The following HPS4 variants were observed in gnomAD, a reference collection of about 807,000 sequenced individuals.
HPS4 encodes HPS4 biogenesis of lysosomal organelles complex 3 subunit 2.
A neutral mutation model predicts 70.3 loss-of-function variants in HPS4; 44 were observed. The ratio of observed to expected loss-of-function variants is 0.63; its 90% CI spans 0.49 to 0.80. HPS4 has a LOEUF of 0.80. HPS4 is among the 30% of genes least tolerant of loss of function. The probability of loss-of-function intolerance (pLI) is 0.00; values close to 1 mark genes in which losing one functional copy is unlikely to be tolerated. For synonymous variants in HPS4, 377 were observed against 355.9 expected (o/e 1.06, Z -0.67); for missense variants, 873 against 884.4 (o/e 0.99, Z 0.16).
intron 7 of HPS4, 119 bp from the exon 8 acceptor site, chr22:26,468,742 G>A (rs890320101): frequency 6.9e-6 from 6 of 866,142 alleles, no homozygotes; most frequent in African/African-American, 5.0e-5. Context: ...GCTGGTGGGA[G>A]TTTCAACTGG....
rs900841907 is a variant in HPS4, at chr22:26,451,825, G to A, written c.*1408C>T. The A allele has an allele frequency of 1.3e-5, 2 of 154,428 alleles. No homozygotes were observed. Among genetic ancestry groups the A allele is most frequent in the African/African-American group, 4.8e-5 (2 of 41,438 alleles). 9.6% of individuals were successfully genotyped at this position (154,428 alleles called of 1,614,324 possible). Reference sequence around the variant, plus strand: ...GATCCAAGAGACAGCAGAGATCCTGGAGAGAGGTGATAGAAGAGGGAGACA... The same window carrying A: ...GATCCAAGAGACAGCAGAGATCCTGAAGAGAGGTGATAGAAGAGGGAGACA... On this transcript the variant is annotated 3_prime_UTR_variant, in exon 14 of 14. Coordinates refer to ENST00000398145, the MANE Select transcript of HPS4 (RefSeq NM_022081.6).
intron 11 of HPS4, among the ~76,000 whole-genome samples, chr22:26,463,201 T>C (rs2087679277): frequency 6.6e-6 from 1 of 152,186 alleles, no homozygotes; most frequent in African/African-American, 2.4e-5. Context: ...TTTACCACTC[T>C]AAGCCTCTAA....
chr22:26,443,184 T>C, downstream of HPS4: 1 of 1,614,134 alleles, frequency 6.2e-7, no homozygotes, highest in Non-Finnish European at 8.5e-7. Flanking sequence ...GCTCTTGATT[T>C]CATCTTTGCT....
downstream of HPS4, among the ~76,000 whole-genome samples, chr22:26,449,597 C>T (rs544562857): frequency 4.2e-4 from 64 of 152,182 alleles, 2 homozygotes; most frequent in South Asian, 0.012. Context: ...TCCCAAAGTG[C>T]TGGGATTATA....
At chr22:26,458,624 A>C (rs2086651172) in intron 11 of HPS4, 47 bp from the exon 12 acceptor site, 21 of 1,610,176 alleles carry the variant, frequency 1.3e-5, no homozygotes, top group Non-Finnish European at 1.6e-5. Flanking sequence ...GACCTCAGCA[A>C]GCCTTCTGAG....
chr22:26,471,014 A>C, intron 6 of HPS4: 2 of 1,077,360 alleles, frequency 1.9e-6, no homozygotes, highest in Non-Finnish European at 1.4e-6. Flanking sequence ...ACACCACTAA[A>C]TGCCAAATTC....
Position 26,452,649 on chromosome 22 carries a change from T to G in HPS4, c.*584A>C, listed in dbSNP as rs1192712755. 4.0e-6 allele frequency: 1 copy of G among 253,108 alleles called. No individual in the cohort carries two copies. The highest frequency in any genetic ancestry group is 7.8e-6 in the Non-Finnish European group (1 of 127,564). The allele number at this position is 253,108 out of a possible 1,614,324, so 15.7% of individuals were successfully genotyped here. A position where few individuals can be genotyped will look rare whatever the true frequency, so the allele number is the denominator to read the frequency against. On this transcript the variant is annotated 3_prime_UTR_variant, in exon 14 of 14. Transcript: ENST00000398145. ...CAAAGAAGACGCCCCTAGATTTGAGTAGAGTTCCAACAGAATTCAACCAAG... is the reference window on the plus strand; with the variant it reads ...CAAAGAAGACGCCCCTAGATTTGAGGAGAGTTCCAACAGAATTCAACCAAG...
At chr22:26,457,739 AG>A (rs1189898802) in intron 13 of HPS4, 119 bp downstream of exon 13, 2 of 758,478 alleles carry the variant, frequency 2.6e-6, no homozygotes, top group African/African-American at 3.4e-5. Flanking sequence ...GAAGGCCTTA[AG>A]GAGAGTAACT....
chr22:26,470,424 C>T (rs1478382704), intron 7 of HPS4, among the ~76,000 whole-genome samples: 3 of 152,236 alleles, frequency 2.0e-5, no homozygotes, highest in Non-Finnish European at 4.4e-5. Context: ...GCTCGGGACT[C>T]TGCATTAGCA....
intron 10 of HPS4, 86 bp from the exon 11 acceptor site, chr22:26,464,912 C>T (rs1453561891): frequency 7.7e-7 from 1 of 1,306,318 alleles, no homozygotes; most frequent in Non-Finnish European, 1.0e-6. Flanking sequence ...AAAGCACAGG[C>T]ATCAAGGACA....
chr22:26,465,721 G>A lies in HPS4; in HGVS notation c.707-170C>T, dbSNP rs866598393. 8 of 627,824 alleles carry A rather than the reference G, an allele frequency of 1.3e-5. No individual in the cohort carries two copies. The African/African-American group carries it at 1.5e-4, about 12-fold the overall frequency. The allele number at this position is 627,824 out of a possible 1,614,324, so 38.9% of individuals were successfully genotyped here. A position where few individuals can be genotyped will look rare whatever the true frequency, so the allele number is the denominator to read the frequency against. On this transcript the variant is annotated intron_variant, in intron 9 of 13. Coordinates refer to ENST00000398145, the MANE Select transcript of HPS4 (RefSeq NM_022081.6). Reference sequence around the variant, plus strand: ...TTGCCAAACTGCACCTCGAACTCCTGGGCCCAGTAAGGAAAGAGTCCCTGC... The same window carrying A: ...TTGCCAAACTGCACCTCGAACTCCTAGGCCCAGTAAGGAAAGAGTCCCTGC...
At position 26,468,732 on chromosome 22, in the gene HPS4, G is replaced by C. The variant is rs1336107984; in HGVS notation, c.597-109C>G. 4 of 993,832 alleles carry C rather than the reference G, an allele frequency of 4.0e-6. No individual in the cohort carries two copies. In the South Asian group the frequency reaches 5.5e-5, roughly 14 times the overall value. 61.6% of individuals were successfully genotyped at this position (993,832 alleles called of 1,614,324 possible). A position where few individuals can be genotyped will look rare whatever the true frequency, so the allele number is the denominator to read the frequency against. ...TGTTGACGAGGATCTTGGGGACTTG[G>C]CTGGTGGGAGTTTCAACTGGTAAAA... is the stretch of plus-strand genomic sequence containing the variant. On this transcript the variant is annotated intron_variant, in intron 7 of 13. Coordinates refer to ENST00000398145, the MANE Select transcript of HPS4 (RefSeq NM_022081.6).
chr22:26,465,008 C>A (rs946953220), intron 10 of HPS4, among the ~76,000 whole-genome samples, 182 bp from the exon 11 acceptor site: 1 of 152,206 alleles, frequency 6.6e-6, no homozygotes, highest in African/African-American at 2.4e-5. Flanking sequence ...GCCCTTGGGG[C>A]TTTACGTAGT....
intron 13 of HPS4, among the ~76,000 whole-genome samples, chr22:26,454,631 G>C (rs2085764238): frequency 6.6e-6 from 1 of 152,144 alleles, no homozygotes; most frequent in African/African-American, 2.4e-5. Context: ...AAAAACCCTA[G>C]AAGAAAACCT....
chr22:26,446,519 G>A (rs937566086), downstream of HPS4, among the ~76,000 whole-genome samples: 2 of 152,108 alleles, frequency 1.3e-5, no homozygotes, highest in African/African-American at 2.4e-5. Flanking sequence ...TCATTGTTCC[G>A]AGAGTGGGGT....
intron 9 of HPS4, 56 bp from the exon 10 acceptor site, chr22:26,465,607 G>T: frequency 1.4e-6 from 2 of 1,406,532 alleles, no homozygotes; most frequent in South Asian, 2.3e-5. Flanking sequence ...GAGGGCAGCG[G>T]GGCAATAGCT....
chr22:26,453,543 C>A, intron 13 of HPS4, 139 bp from the exon 14 acceptor site: 1 of 871,314 alleles, frequency 1.1e-6, no homozygotes, highest in East Asian at 2.6e-5. Context: ...GCACGGAATT[C>A]TATTTCTTCA....
At chr22:26,469,843 A>G (rs200580204) in intron 7 of HPS4, among the ~76,000 whole-genome samples, 2 of 152,236 alleles carry the variant, frequency 1.3e-5, no homozygotes, top group East Asian at 3.8e-4. Flanking sequence ...AACCGGGGCA[A>G]GGAAGAAGAG....
At chr22:26,457,170 T>G (rs552283391) in intron 13 of HPS4, among the ~76,000 whole-genome samples, 2 of 151,900 alleles carry the variant, frequency 1.3e-5, no homozygotes, top group Non-Finnish European at 2.9e-5. Flanking sequence ...CTTGATACAT[T>G]TCCAAGCATT....
Sources: gnomAD v4.1 joint callset for allele counts (sites outside exome capture counted in the v4.1 genomes callset) on GRCh38, gnomAD v4.1.1 for gene constraint, MANE v1.5 for transcripts, NCBI Gene and HGNC (gene_info 2026-07-23, HGNC 2026-07-21) for gene names.